Variants in ALPK2 observed in about 807,000 individuals in gnomAD.
ALPK2 encodes the protein alpha-protein kinase 2.
Under a neutral mutation model 163.1 loss-of-function variants are expected in ALPK2, and 127 were observed. The ratio of observed to expected loss-of-function variants is 0.78; its 90% CI spans 0.67 to 0.90. ALPK2 has a LOEUF of 0.90. Among genes scored for constraint, ALPK2 ranks in the 40% least tolerant of loss-of-function variants. The pLI is 0.00. For synonymous variants in ALPK2, 953 were observed against 959.1 expected (o/e 0.99, Z 0.12); for missense variants, 2,360 against 2,589.6 (o/e 0.91, Z 1.92).
intron 4 of ALPK2, among the ~76,000 whole-genome samples, chr18:58,560,894 C>A (rs2051822470): frequency 6.6e-6 from 1 of 152,192 alleles, no homozygotes; most frequent in Non-Finnish European, 1.5e-5. Flanking sequence ...AGATCTAATT[C>A]TCAGCAGGCC....
chr18:58,526,228 C>G (rs781625746), intron 6 of ALPK2, among the ~76,000 whole-genome samples: 1 of 152,148 alleles, frequency 6.6e-6, no homozygotes, highest in Non-Finnish European at 1.5e-5. Flanking sequence ...AAGCCCATGT[C>G]CAGAGTGTGA....
chr18:58,570,642 T>A (rs563883767), intron 4 of ALPK2, among the ~76,000 whole-genome samples: 29 of 152,364 alleles, frequency 1.9e-4, no homozygotes, highest in Middle Eastern at 6.8e-3. Context: ...ACTATTGGAC[T>A]TGCACGTCAA....
At chr18:58,543,088 A>T (rs2051698810) in intron 4 of ALPK2, among the ~76,000 whole-genome samples, 1 of 151,950 alleles carries the variant, frequency 6.6e-6, no homozygotes, top group Non-Finnish European at 1.5e-5. Context: ...AAGGGAGGGG[A>T]CCTGGAGGCT....
At chr18:58,490,675 G>A (rs1440647070) in intron 12 of ALPK2, among the ~76,000 whole-genome samples, 1 of 152,002 alleles carries the variant, frequency 6.6e-6, no homozygotes, top group Non-Finnish European at 1.5e-5. Flanking sequence ...GCAGAAAAAT[G>A]TGAGAGGAGG....
chr18:58,605,703 G>A (rs1464605903), intron 3 of ALPK2, among the ~76,000 whole-genome samples: 2 of 152,246 alleles, frequency 1.3e-5, no homozygotes, highest in Non-Finnish European at 2.9e-5. Flanking sequence ...GGATAAAGAC[G>A]AGGAAGGGGA....
chr18:58,506,734 GTATGTATAA>G (rs1333104989), intron 10 of ALPK2, among the ~76,000 whole-genome samples: 14 of 152,162 alleles, frequency 9.2e-5, no homozygotes, highest in Non-Finnish European at 2.1e-4. Context: ...GAATATATAT[GTATGTATAA>G]TATTTATATA....
In ALPK2 at chr18:58,583,055, G is replaced by A. The variant is rs2051967265; in HGVS notation, c.228-2507C>T. Among the ~76,000 whole-genome samples the A allele has an allele frequency of 5.3e-5, 8 of 152,320 alleles. No individual in the cohort carries two copies. In the South Asian group the frequency reaches 1.4e-3, roughly 28 times the overall value. On this transcript the variant is annotated intron_variant, in intron 3 of 12. Coordinates refer to ENST00000361673, the MANE Select transcript of ALPK2 (RefSeq NM_052947.4). The stretch of plus-strand genomic sequence containing the variant: ...CTCTCCTGAATCGGGAAAAGACCTG[G>A]AAAGGGAAGGAGAATCACTACAGAA...
In ALPK2 at chr18:58,578,771, C is replaced by CACACACACACACAT. The variant is rs1555673966; in HGVS notation, c.1962+42_1962+43insATGTGTGTGTGTGT. On this transcript the variant is annotated intron_variant, in intron 4 of 12. Coordinates refer to ENST00000361673, the MANE Select transcript of ALPK2 (RefSeq NM_052947.4). ...ACACACACACACACACACACACACA[C>CACACACACACACAT]GGTTCTTTTTATCTCGTAATTTCTT... is the stretch of plus-strand genomic sequence containing the variant. The CACACACACACACAT allele has an allele frequency of 4.0e-5, 63 of 1,562,122 alleles. 1 individual carries two copies. In the African/African-American group the frequency reaches 7.5e-4, roughly 18 times the overall value.
rs115048977 is a variant in ALPK2 at position 58,575,445 on chromosome 18, G to A, written c.1962+3369C>T. On this transcript the variant is annotated intron_variant, in intron 4 of 12. Coordinates refer to ENST00000361673, the MANE Select transcript of ALPK2 (RefSeq NM_052947.4). Reference sequence around the variant, plus strand: ...ATCAGGAAGATTCTTAATTACCAGAGCCCAAGAACACATTTCCTTACTGTA... The same window carrying A: ...ATCAGGAAGATTCTTAATTACCAGAACCCAAGAACACATTTCCTTACTGTA... Among the ~76,000 whole-genome samples the A allele has an allele frequency of 3.7e-3, 559 of 152,234 alleles. 4 individuals carry two copies. In the Middle Eastern group the frequency reaches 0.044, roughly 12 times the overall value.
At chr18:58,490,579 C>A (rs1157491381) in intron 12 of ALPK2, among the ~76,000 whole-genome samples, 2 of 151,990 alleles carry the variant, frequency 1.3e-5, no homozygotes, top group African/African-American at 4.8e-5. Context: ...CTACCCCCAA[C>A]AGAAACCAAG....
rs767005957 is a variant in ALPK2 at position 58,523,936 on chromosome 18, T to G, written c.5628A>C (p.Glu1876Asp). 6 of 1,614,206 alleles carry G rather than the reference T, an allele frequency of 3.7e-6. No individual in the cohort carries two copies. The highest frequency in any genetic ancestry group is 5.1e-6 in the Non-Finnish European group (6 of 1,180,026). Reference sequence around the variant, plus strand: ...TTTTCATTGAAAACTGTGGTTTACCTTCAGCTGTGAGGTTAAATTCAGCAG... The same window carrying G: ...TTTTCATTGAAAACTGTGGTTTACCGTCAGCTGTGAGGTTAAATTCAGCAG... ...KVTAEFNLTA[E>D]VLKQLSSRQD... Residue 1876 changes from glutamate (E) to aspartate (D), a missense_variant and splice_region_variant, in exon 7 of 13, where the codon GAA becomes GAC. Physicochemically the swap from Glu to Asp is conservative, Grantham distance 45. Transcript: ENST00000361673.
intron 10 of ALPK2, among the ~76,000 whole-genome samples, chr18:58,508,713 G>A (rs2051474016): frequency 6.6e-6 from 1 of 152,126 alleles, no homozygotes; most frequent in Non-Finnish European, 1.5e-5. Flanking sequence ...CCTTGGGGCT[G>A]CTCTGTCTAT....
At chr18:58,565,527 C>T (rs1271517026) in intron 4 of ALPK2, among the ~76,000 whole-genome samples, 2 of 152,106 alleles carry the variant, frequency 1.3e-5, no homozygotes, top group Non-Finnish European at 2.9e-5. Context: ...CTTCCATAAA[C>T]TTTGTATATA....
rs764130902 is a variant in ALPK2, at chr18:58,580,541, TG to T, written c.234del (p.Asn80MetfsTer16). 84 of 1,613,188 alleles carry T rather than the reference TG, an allele frequency of 5.2e-5. No homozygotes were observed. The East Asian group carries it at 1.8e-3, about 35-fold the overall frequency. On this transcript the variant is annotated frameshift_variant, in exon 4 of 13. Transcript: ENST00000361673. LOFTEE classifies it high-confidence loss of function. ...ATTTGATAGACAGCAGCATCATTTT[TG>T]GTACAGCTAGGATGAAGAGAATATA... is the stretch of plus-strand genomic sequence containing the variant. Reference protein sequence around the residue: ...YIHVLHLSCCTKNDAAVYQIS... With the variant: ...YIHVLHLSCCXKNDAAVYQIS...
Position 58,481,821 on chromosome 18 carries a change from C to T in ALPK2, c.*2G>A, listed in dbSNP as rs138414829. The T allele has an allele frequency of 2.8e-4, 446 of 1,612,732 alleles. 3 individuals carry two copies. The African/African-American group carries it at 4.4e-3, about 16-fold the overall frequency. On this transcript the variant is annotated 3_prime_UTR_variant, in exon 13 of 13. Transcript: ENST00000361673. Reference sequence around the variant, plus strand: ...CAGTGGCCATTAGGTTACCCAGGGACGTTAGGTTTTCTTTTCGCCTGGGGT... The same window carrying T: ...CAGTGGCCATTAGGTTACCCAGGGATGTTAGGTTTTCTTTTCGCCTGGGGT...
chr18:58,578,996 T>A lies in ALPK2; in HGVS notation c.1780A>T (p.Ser594Cys). The A allele has an allele frequency of 6.2e-7, 1 of 1,614,248 alleles. No individual in the cohort carries two copies. The change falls in exon 4 of 13, where the codon AGT becomes TGT. Residue 594 changes from serine (S) to cysteine (C), a missense_variant. Ser to Cys is a moderately radical substitution (Grantham distance 112). Coordinates refer to ENST00000361673, the MANE Select transcript of ALPK2 (RefSeq NM_052947.4). ...CATTCTCTTGCATCAGCATGGGAAC[T>A]CCGACCAGTCGCTGCTGCTGTGGTG... is the stretch of plus-strand genomic sequence containing the variant. Reference protein sequence around the residue: ...SHTTAAATGRSSHADARECAI... With the variant: ...SHTTAAATGRCSHADARECAI...
At chr18:58,509,112 A>C (rs62094715) in intron 10 of ALPK2, among the ~76,000 whole-genome samples, 33,952 of 142,114 alleles carry the variant, frequency 0.24, 4,352 homozygotes, top group South Asian at 0.42. Flanking sequence ...TCAATTCCCA[A>C]CTATGAATGA....
rs1282436812 is a variant in ALPK2 at position 58,535,829 on chromosome 18, T to C, written c.4358A>G (p.Gln1453Arg). 3.1e-6 allele frequency: 5 copies of C among 1,614,246 alleles called. No individual in the cohort carries two copies. The Admixed American group carries it at 8.3e-5, about 27-fold the overall frequency. Reference sequence around the variant, plus strand: ...AATGGTTCCCTGGAGACATGGAACTTGCAAAATGGCCGGCTGGATTTCCGC... The same window carrying C: ...AATGGTTCCCTGGAGACATGGAACTCGCAAAATGGCCGGCTGGATTTCCGC... ...HEAEIQPAIL[Q>R]VPCLQGTILS... Residue 1453 changes from glutamine to arginine, a missense_variant, in exon 5 of 13, where the codon CAA (glutamine) becomes CGA (arginine). Coordinates refer to ENST00000361673, the MANE Select transcript of ALPK2 (RefSeq NM_052947.4).
intron 4 of ALPK2, among the ~76,000 whole-genome samples, chr18:58,573,412 G>A (rs1315934449): frequency 5.9e-5 from 8 of 135,446 alleles, no homozygotes; most frequent in African/African-American, 1.1e-4. Context: ...ATATATATAT[G>A]TTTTTTTTTT....
Sources: allele counts gnomAD v4.1 joint callset (sites outside exome capture counted in the v4.1 genomes callset), GRCh38; gene constraint gnomAD v4.1.1; transcripts MANE v1.5; gene names NCBI Gene and HGNC (gene_info 2026-07-23, HGNC 2026-07-21).